The following ACOX3 variants were observed in gnomAD, a reference collection of about 807,000 sequenced individuals.
ACOX3 encodes peroxisomal acyl-coenzyme A oxidase 3.
In ACOX3, 73 loss-of-function variants were observed where a neutral mutation model predicts 81.5. The observed-to-expected ratio is 0.90, with a 90% CI of 0.74 to 1.09. ACOX3 has a LOEUF of 1.09. ACOX3 is among the 50% of genes least tolerant of loss of function. The pLI, the probability that ACOX3 is intolerant of heterozygous loss-of-function variation, is 0.00. For synonymous variants in ACOX3, 387 were observed against 375.1 expected (o/e 1.03, Z -0.37); for missense variants, 947 against 928.0 (o/e 1.02, Z -0.27).
intron 13 of ACOX3, among the ~76,000 whole-genome samples, chr4:8,383,155 C>T (rs941982868): frequency 3.9e-5 from 6 of 152,316 alleles, no homozygotes; most frequent in East Asian, 1.9e-4. Flanking sequence ...GGCGGCTTGC[C>T]GGAGGTCTCA....
At chr4:8,410,756 A>G (rs903980261) in intron 5 of ACOX3, among the ~76,000 whole-genome samples, 2 of 152,132 alleles carry the variant, frequency 1.3e-5, no homozygotes, top group African/African-American at 4.8e-5. Context: ...CAGTCCACTC[A>G]GTTCTTTAGG....
chr4:8,401,344 T>C (rs1007191493), intron 7 of ACOX3, among the ~76,000 whole-genome samples: 2 of 152,168 alleles, frequency 1.3e-5, no homozygotes, highest in Admixed American at 6.5e-5. Context: ...TAATCTCACA[T>C]GCTGGAAGGG....
intron 16 of ACOX3, among the ~76,000 whole-genome samples, chr4:8,372,503 AAC>A (rs1716340795): frequency 6.6e-6 from 1 of 152,236 alleles, no homozygotes; most frequent in East Asian, 1.9e-4. Context: ...CCATGGGGTC[AAC>A]ACTGCCCCAA....
At chr4:8,362,391 T>C (rs1336222373), downstream of ACOX3, among the ~76,000 whole-genome samples, 1 of 152,266 alleles carries the variant, frequency 6.6e-6, no homozygotes, top group Non-Finnish European at 1.5e-5. Flanking sequence ...TTGAGTAAAA[T>C]ATACTCCTGT....
rs2108779218 is a variant in ACOX3 at position 8,368,734 on chromosome 4, T to C, written c.1984-1654A>G. 6.6e-6 allele frequency among the ~76,000 whole-genome samples: 1 copy of C among 151,868 alleles called. No homozygotes were observed. Among genetic ancestry groups the C allele is most frequent in the East Asian group, 1.9e-4 (1 of 5,172 alleles). ...CTTGCAACTGGAAGGAATGCACTTT[T>C]TTTTTTTTTTTTGAGATGAGGTCTC... is the stretch of plus-strand genomic sequence containing the variant. On this transcript the variant is annotated intron_variant, in intron 17 of 17. Coordinates refer to ENST00000356406, the MANE Select transcript of ACOX3 (RefSeq NM_003501.3). This position sits in a 1 kb window ranked among gnomAD's most constrained non-coding sequence, Gnocchi z 5.9.
At position 8,388,477 on chromosome 4, in the gene ACOX3, G is replaced by A. The variant is rs73085899; in HGVS notation, c.1537+696C>T. ...CTGTCAGGATCCAGCGCAGTCTACA[G>A]GGAAGCTGCTTTGCTTTCGATGCTG... On this transcript the variant is annotated intron_variant, in intron 13 of 17. Transcript: ENST00000356406. 8.4e-3 allele frequency among the ~76,000 whole-genome samples: 1,287 copies of A among 152,368 alleles called. 21 individuals are homozygous for A. The highest frequency in any genetic ancestry group is 0.03 in the African/African-American group (1,229 of 41,588).
At chr4:8,363,640 T>C (rs1395244698), downstream of ACOX3, among the ~76,000 whole-genome samples, 4 of 152,200 alleles carry the variant, frequency 2.6e-5, no homozygotes, top group African/African-American at 9.6e-5. Flanking sequence ...AAAATGAGGC[T>C]GAGACCTACT....
Position 8,415,921 on chromosome 4 carries a change from G to A in ACOX3, c.223C>T (p.Arg75Cys), listed in dbSNP as rs745309495. 28 of 1,614,058 alleles carry A rather than the reference G, an allele frequency of 1.7e-5. No individual in the cohort carries two copies. Among genetic ancestry groups the A allele is most frequent in the Non-Finnish European group, 2.3e-5 (27 of 1,180,042 alleles). Residue 75 changes from arginine to cysteine, a missense_variant, in exon 3 of 18, where the codon CGC (arginine) becomes TGC (cysteine). By Grantham distance (180) the Arg-to-Cys change is radical. Coordinates refer to ENST00000356406, the MANE Select transcript of ACOX3 (RefSeq NM_003501.3). The part of the protein sequence containing the change: ...PGADLSLEKY[R>C]ELNFLRCKRI... ...TTGCATCGAAGGAAGTTCAGCTCGC[G>A]ATACTTCTCCAAGGACAGATCGGCT... is the stretch of plus-strand genomic sequence containing the variant.
intron 1 of ACOX3, among the ~76,000 whole-genome samples, chr4:8,422,322 C>T (rs1424470696): frequency 6.6e-6 from 1 of 152,152 alleles, no homozygotes; most frequent in Non-Finnish European, 1.5e-5. Flanking sequence ...AAATTTAAAA[C>T]CTATAATTGA....
intron 5 of ACOX3, among the ~76,000 whole-genome samples, chr4:8,412,644 C>G (rs897326226): frequency 4.6e-5 from 7 of 152,296 alleles, no homozygotes; most frequent in African/African-American, 1.4e-4. Flanking sequence ...CACAACAGTC[C>G]TCCCTGACCA....
At position 8,382,618 on chromosome 4, in the gene ACOX3, A is replaced by G. The variant is rs62286004; in HGVS notation, c.1538-1011T>C. ...AGGCAGGAGAATGGGGATCAGCCAC[A>G]CTGAGTCTGAGCCCAAAGGCTGAAC... On this transcript the variant is annotated intron_variant, in intron 13 of 17. Transcript: ENST00000356406. The surrounding 1 kb of genome is among the most constrained non-coding windows in gnomAD (Gnocchi z 4.1). 0.062 allele frequency among the ~76,000 whole-genome samples: 9,473 copies of G among 152,260 alleles called. 377 individuals are homozygous for G. The highest frequency in any genetic ancestry group is 0.1 in the African/African-American group (4,289 of 41,560).
chr4:8,379,896 C>G (rs904138672), intron 14 of ACOX3, among the ~76,000 whole-genome samples: 3 of 152,202 alleles, frequency 2.0e-5, no homozygotes, highest in Non-Finnish European at 2.9e-5. Context: ...AGCGATCTTC[C>G]TGCCTCAGCC....
chr4:8,398,874 C>A (rs1225045279), intron 8 of ACOX3, among the ~76,000 whole-genome samples: 2 of 152,240 alleles, frequency 1.3e-5, no homozygotes, highest in Non-Finnish European at 2.9e-5. Flanking sequence ...TGTGCCTGTT[C>A]TTCCAATCAT....
intron 13 of ACOX3, among the ~76,000 whole-genome samples, chr4:8,383,266 G>T (rs898242801): frequency 1.3e-5 from 2 of 152,234 alleles, no homozygotes; most frequent in African/African-American, 4.8e-5. Context: ...GGCATCTTCA[G>T]GGAGCCAAGG....
chr4:8,359,784 C>G, the ACOX3 span, among the ~76,000 whole-genome samples: 1 of 152,180 alleles, frequency 6.6e-6, no homozygotes, highest in Non-Finnish European at 1.5e-5. This position sits in a 1 kb window ranked among gnomAD's most constrained non-coding sequence, Gnocchi z 6.0. Flanking sequence ...CTGCCTCAGG[C>G]AATGCTTTTC....
intron 1 of ACOX3, among the ~76,000 whole-genome samples, chr4:8,434,203 T>C (rs1421152934): frequency 6.6e-6 from 1 of 152,254 alleles, no homozygotes; most frequent in African/African-American, 2.4e-5. Context: ...CTTGCTCGAT[T>C]TATCACGACC....
chr4:8,410,807 T>A (rs1369975733), intron 5 of ACOX3, among the ~76,000 whole-genome samples: 1 of 152,096 alleles, frequency 6.6e-6, no homozygotes, highest in Non-Finnish European at 1.5e-5. Context: ...TTGCTGTCTC[T>A]CCCATCCACA....
intron 8 of ACOX3, among the ~76,000 whole-genome samples, chr4:8,398,254 T>C (rs1021970514): frequency 6.6e-6 from 1 of 152,230 alleles, no homozygotes; most frequent in Non-Finnish European, 1.5e-5. Context: ...CACTGTCATG[T>C]TTGAGAAATC....
At chr4:8,373,443 T>C (rs1716507538) in intron 16 of ACOX3, 118 bp downstream of exon 16, 5 of 1,055,766 alleles carry the variant, frequency 4.7e-6, no homozygotes, top group Non-Finnish European at 6.9e-6. Flanking sequence ...GGGGTGCGTG[T>C]CAGTCTGGGT....
Sources: gnomAD v4.1 joint callset for allele counts (sites outside exome capture counted in the v4.1 genomes callset) on GRCh38, gnomAD v4.1.1 for gene constraint, Gnocchi (gnomAD v3.1) non-coding constraint, MANE v1.5 for transcripts, NCBI Gene and HGNC (gene_info 2026-07-23, HGNC 2026-07-21) for gene names.